The following PRSS23 variants were observed in gnomAD, a reference collection of about 807,000 sequenced individuals.
PRSS23 encodes protease, serine 23.
PRSS23 carries 25 observed loss-of-function variants against 34.7 expected under a neutral mutation model. The observed-to-expected ratio is 0.72, with a 90% CI of 0.53 to 1.01. The LOEUF is 1.01. Ranked by LOEUF, PRSS23 falls within the 50% of genes least tolerant of loss-of-function variation. The pLI is 0.00. For missense variants in PRSS23, 445 were observed against 475.6 expected (o/e 0.94, Z 0.60); for synonymous variants, 176 against 186.6 (o/e 0.94, Z 0.46).
intron 2 of PRSS23, among the ~76,000 whole-genome samples, chr11:86,888,881 C>G (rs1194751770): frequency 6.6e-6 from 1 of 152,218 alleles, no homozygotes; most frequent in Non-Finnish European, 1.5e-5. Context: ...CTAGCGCTGC[C>G]TAGCAGATGG....
At chr11:86,897,254 A>C (rs1336546662) in intron 2 of PRSS23, among the ~76,000 whole-genome samples, 2 of 152,196 alleles carry the variant, frequency 1.3e-5, no homozygotes, top group African/African-American at 2.4e-5. Flanking sequence ...TGTTGCACAT[A>C]AAGTGCTTTT....
rs186750016 is a variant in PRSS23 at position 86,862,546 on chromosome 11, G to A, written c.206+38953G>A. Among the ~76,000 whole-genome samples the A allele has an allele frequency of 1.8e-3, 274 of 151,922 alleles. 1 individual carries two copies. The highest frequency in any genetic ancestry group is 6.1e-3 in the African/African-American group (254 of 41,402). ...AGTATGTTATTCCTAATGTCACAGC[G>A]TGATATTATTCCCAATATCCAAGGA... On this transcript the variant is annotated intron_variant, in intron 2 of 2. Coordinates refer to the PRSS23 transcript ENST00000533902.
chr11:86,833,255 C>T lies in PRSS23; in HGVS notation c.206+9662C>T, dbSNP rs1006458961. 1.8e-5 allele frequency: 28 copies of T among 1,577,480 alleles called. 1 individual carries two copies. Among genetic ancestry groups the T allele is most frequent in the South Asian group, 3.3e-5 (3 of 90,402 alleles). ...GTGTTGGAGGTGAAACCGATGTCAG[C>T]CAAGGACAGGTTGGAGAGGAAGAAG... is the stretch of plus-strand genomic sequence containing the variant. On this transcript the variant is annotated intron_variant, in intron 2 of 2. Transcript: ENST00000533902.
intron 2 of PRSS23, among the ~76,000 whole-genome samples, chr11:86,919,955 T>C (rs1689769431): frequency 6.6e-6 from 1 of 152,158 alleles, no homozygotes; most frequent in Non-Finnish European, 1.5e-5. Flanking sequence ...CACCAGCTGC[T>C]TCCCAGCCTC....
intron 2 of PRSS23, among the ~76,000 whole-genome samples, chr11:86,918,080 A>C (rs1379323366): frequency 6.6e-6 from 1 of 152,260 alleles, no homozygotes; most frequent in Non-Finnish European, 1.5e-5. Context: ...TATAGCTCTC[A>C]CATACCTTTG....
intron 2 of PRSS23, among the ~76,000 whole-genome samples, chr11:86,836,042 G>C (rs929259407): frequency 1.3e-5 from 2 of 152,108 alleles, no homozygotes; most frequent in Admixed American, 1.3e-4. Context: ...TGAGAGTCAG[G>C]ATGTACAGGG....
intron 2 of PRSS23, among the ~76,000 whole-genome samples, chr11:86,873,233 T>TACACAC (rs752207615): frequency 1.2e-5 from 1 of 81,428 alleles, no homozygotes; most frequent in Admixed American, 1.3e-4. Flanking sequence ...TGTATATATA[T>TACACAC]ATACACACAC....
chr11:86,851,259 A>G (rs539557850), intron 2 of PRSS23, among the ~76,000 whole-genome samples: 4 of 152,354 alleles, frequency 2.6e-5, no homozygotes, highest in African/African-American at 9.6e-5. Context: ...ATGGAAGCCA[A>G]ACTCCAAATT....
At chr11:86,881,779 A>G (rs1391577517) in intron 2 of PRSS23, among the ~76,000 whole-genome samples, 1 of 152,178 alleles carries the variant, frequency 6.6e-6, no homozygotes, top group African/African-American at 2.4e-5. Flanking sequence ...CTTATTTGTT[A>G]TAGGCCTATG....
intron 2 of PRSS23, among the ~76,000 whole-genome samples, chr11:86,913,651 T>C (rs1342412730): frequency 2.0e-5 from 3 of 151,702 alleles, no homozygotes; most frequent in Non-Finnish European, 4.4e-5. Context: ...AGTTTGTATT[T>C]GCAAGCTCCA....
chr11:86,853,475 G>A (rs1157403278), intron 2 of PRSS23, among the ~76,000 whole-genome samples: 5 of 151,594 alleles, frequency 3.3e-5, no homozygotes, highest in Admixed American at 1.3e-4. Context: ...GGCTGGTCTC[G>A]AACTCCTGAC....
chr11:86,944,956 G>T (rs896730388), intron 2 of PRSS23, among the ~76,000 whole-genome samples: 3 of 152,110 alleles, frequency 2.0e-5, no homozygotes, highest in African/African-American at 7.2e-5. Context: ...AAACCAAGAG[G>T]CCTGATGTTC....
intron 2 of PRSS23, among the ~76,000 whole-genome samples, chr11:86,890,814 A>C (rs1260065541): frequency 1.3e-5 from 2 of 152,184 alleles, no homozygotes; most frequent in African/African-American, 4.8e-5. Context: ...TGTCCAGCCC[A>C]CCACCACTGG....
At chr11:86,826,664 C>A (rs1948303695) in intron 2 of PRSS23, among the ~76,000 whole-genome samples, 1 of 152,254 alleles carries the variant, frequency 6.6e-6, no homozygotes, top group East Asian at 1.9e-4. Context: ...TGAGATACGT[C>A]CCATCAATAC....
chr11:86,837,507 ACCTGT>A (rs1948415880), intron 2 of PRSS23: 2 of 152,246 alleles, frequency 1.3e-5, no homozygotes, highest in African/African-American at 2.4e-5. Flanking sequence ...AGTGGCTCAC[ACCTGT>A]AATCCCAGCA....
At position 86,952,073 on chromosome 11, in the gene PRSS23, C is replaced by G. The variant is rs781634932; in HGVS notation, c.*788C>G. 1.2e-6 allele frequency: 2 copies of G among 1,613,982 alleles called. No individual in the cohort carries two copies. The highest frequency in any genetic ancestry group is 1.7e-6 in the Non-Finnish European group (2 of 1,179,980). ...GAAGGCAGTGGAGATGAAACACAGGCTGGCCCACACAGCCATCCAGATATC... is the reference window on the plus strand; with the variant it reads ...GAAGGCAGTGGAGATGAAACACAGGGTGGCCCACACAGCCATCCAGATATC... On this transcript the variant is annotated 3_prime_UTR_variant, in exon 3 of 3. Coordinates refer to the PRSS23 transcript ENST00000533902.
intron 2 of PRSS23, among the ~76,000 whole-genome samples, chr11:86,879,819 GT>G (rs1279025778): frequency 8.4e-5 from 7 of 83,100 alleles, no homozygotes; most frequent in Admixed American, 1.2e-4. Context: ...CGGGAGGGAG[GT>G]GGGGGGGGTC....
At chr11:86,901,823 A>G (rs1948913653) in intron 2 of PRSS23, among the ~76,000 whole-genome samples, 1 of 152,168 alleles carries the variant, frequency 6.6e-6, no homozygotes, top group African/African-American at 2.4e-5. Context: ...TCCCATAACT[A>G]AAGACAATTT....
At chr11:86,823,812 C>A (rs1034746049) in intron 2 of PRSS23, among the ~76,000 whole-genome samples, 1 of 151,884 alleles carries the variant, frequency 6.6e-6, no homozygotes, top group African/African-American at 2.4e-5. Context: ...CGAGACCATC[C>A]TGGCTAACAC....
Sources: allele counts gnomAD v4.1 joint callset (sites outside exome capture counted in the v4.1 genomes callset), GRCh38; gene constraint gnomAD v4.1.1; transcripts MANE v1.5; gene names NCBI Gene and HGNC (gene_info 2026-07-23, HGNC 2026-07-21).